The following PLEKHA5 variants were observed in gnomAD, a reference collection of about 807,000 sequenced individuals.
PLEKHA5 encodes pleckstrin homology domain-containing family A member 5.
Under a neutral mutation model 181.9 loss-of-function variants are expected in PLEKHA5, and 55 were observed. The observed-to-expected ratio is 0.30, with a 90% CI of 0.24 to 0.38. PLEKHA5 has a LOEUF of 0.38. PLEKHA5 is among the 10% of genes least tolerant of loss of function. The probability of loss-of-function intolerance (pLI) is 1.00; values close to 1 mark genes in which losing one functional copy is unlikely to be tolerated. For missense variants in PLEKHA5, 1,432 were observed against 1,549.5 expected (o/e 0.92, Z 1.27); for synonymous variants, 535 against 529.4 (o/e 1.01, Z -0.15).
At chr12:19,133,500 A>C (rs1368285046) in intron 3 of PLEKHA5, among the ~76,000 whole-genome samples, 1 of 152,054 alleles carries the variant, frequency 6.6e-6, no homozygotes, top group Non-Finnish European at 1.5e-5. Flanking sequence ...GTTTATAAAC[A>C]ATAACAGATA....
chr12:19,325,550 TG>T (rs1012431296), intron 20 of PLEKHA5, among the ~76,000 whole-genome samples: 5 of 151,432 alleles, frequency 3.3e-5, no homozygotes, highest in Admixed American at 2.6e-4. Flanking sequence ...TAGCCAGGTG[TG>T]GGGGCAGATG....
intron 3 of PLEKHA5, among the ~76,000 whole-genome samples, chr12:19,163,692 A>ATCTG (rs2043546050): frequency 6.6e-6 from 1 of 151,568 alleles, no homozygotes; most frequent in Non-Finnish European, 1.5e-5. Context: ...CTATCTATCT[A>ATCTG]TCTCTTTCCT....
At chr12:19,201,256 C>T (rs1236232350) in intron 3 of PLEKHA5, 1 of 152,020 alleles carries the variant, frequency 6.6e-6, no homozygotes, top group Non-Finnish European at 1.5e-5. Flanking sequence ...AGATGTTCAG[C>T]ATCATTAGAC....
intron 3 of PLEKHA5, among the ~76,000 whole-genome samples, chr12:19,156,161 G>A (rs1374606345): frequency 6.6e-6 from 1 of 151,340 alleles, no homozygotes; most frequent in African/African-American, 2.4e-5. Flanking sequence ...GAATTGTTGG[G>A]GGTGGTCAAA....
chr12:19,326,031 AAATAAAATAAATAAAATAG>A (rs2092020353), intron 20 of PLEKHA5, among the ~76,000 whole-genome samples: 1 of 151,816 alleles, frequency 6.6e-6, no homozygotes, highest in Admixed American at 6.6e-5. Context: ...AAATAAAATA[AAATAAAATAAATAAAATAG>A]AATAAAATAA....
intron 3 of PLEKHA5, among the ~76,000 whole-genome samples, chr12:19,213,432 G>T (rs971781704): frequency 6.6e-6 from 1 of 152,296 alleles, no homozygotes; most frequent in African/African-American, 2.4e-5. Context: ...AGTATTCAAT[G>T]TGAGGTGCTT....
chr12:19,340,946 A>T lies in PLEKHA5; in HGVS notation c.2551-2377A>T, dbSNP rs1243930035. Among the ~76,000 whole-genome samples the T allele has an allele frequency of 5.2e-3, 195 of 37,380 alleles. 1 individual carries two copies. Among genetic ancestry groups the T allele is most frequent in the African/African-American group, 0.014 (170 of 12,028 alleles). 24.5% of individuals were successfully genotyped at this position (37,380 alleles called of 152,430 possible). ...CGAGAAACACCCAAGAATGATCAAT[A>T]AAAAAAAAAAAAAAAAGAAAGAAAA... On this transcript the variant is annotated intron_variant, in intron 21 of 31. Coordinates refer to ENST00000429027, the MANE Select transcript of PLEKHA5 (RefSeq NM_001256470.2).
At chr12:19,168,091 G>T (rs2044963577) in intron 3 of PLEKHA5, among the ~76,000 whole-genome samples, 1 of 152,142 alleles carries the variant, frequency 6.6e-6, no homozygotes, top group African/African-American at 2.4e-5. Flanking sequence ...TGTCCCAGAA[G>T]GAGTTCTTGA....
intron 20 of PLEKHA5, among the ~76,000 whole-genome samples, chr12:19,327,799 C>G (rs891491280): frequency 3.9e-5 from 6 of 152,150 alleles, no homozygotes; most frequent in South Asian, 2.1e-4. Context: ...TGCCCGCTAC[C>G]AAGCCTGGCT....
chr12:19,307,202 G>A, intron 15 of PLEKHA5: 1 of 620,074 alleles, frequency 1.6e-6, no homozygotes, highest in Non-Finnish European at 2.9e-6. Flanking sequence ...GCCCCACATG[G>A]TGGCTCAGGC....
intron 3 of PLEKHA5, among the ~76,000 whole-genome samples, chr12:19,198,562 A>G (rs562363617): frequency 1.1e-4 from 17 of 152,312 alleles, no homozygotes; most frequent in African/African-American, 4.1e-4. Flanking sequence ...TATATGCTCC[A>G]TGAGAGCATA....
intron 30 of PLEKHA5, 134 bp downstream of exon 30, chr12:19,366,243 A>T: frequency 1.4e-6 from 1 of 694,090 alleles, no homozygotes; most frequent in Non-Finnish European, 2.4e-6. Context: ...TTGCCTCCCC[A>T]AGTGTACCTT....
chr12:19,137,979 C>G lies in PLEKHA5; in HGVS notation c.227+5529C>G, dbSNP rs1046578940. On this transcript the variant is annotated intron_variant, in intron 3 of 31. Coordinates refer to ENST00000429027, the MANE Select transcript of PLEKHA5 (RefSeq NM_001256470.2). Reference sequence around the variant, plus strand: ...GATTTGTCAAGGGACTTTTTCTTCCCTAATCTGGATAGACCCCTTCGTTTC... The same window carrying G: ...GATTTGTCAAGGGACTTTTTCTTCCGTAATCTGGATAGACCCCTTCGTTTC... 2.0e-5 allele frequency among the ~76,000 whole-genome samples: 3 copies of G among 152,150 alleles called. No homozygotes were observed. In the South Asian group the frequency reaches 6.2e-4, roughly 32 times the overall value.
Position 19,319,956 on chromosome 12 carries a change from T to C in PLEKHA5, c.2119-65T>C, listed in dbSNP as rs185502361. On this transcript the variant is annotated intron_variant, in intron 16 of 31. Transcript: ENST00000429027. ...AGTTTATAACATAGGCTTTCAGTTT[T>C]ATAAGATTTCGAATGATTTTCCTCT... 674 of 1,098,580 alleles carry C rather than the reference T, an allele frequency of 6.1e-4. 12 individuals are homozygous for C. The Admixed American group carries it at 0.017, about 28-fold the overall frequency. The allele number at this position is 1,098,580 out of a possible 1,614,324, so 68.1% of individuals were successfully genotyped here.
chr12:19,131,379 C>T (rs1204648764), intron 2 of PLEKHA5, among the ~76,000 whole-genome samples: 1 of 152,184 alleles, frequency 6.6e-6, no homozygotes, highest in African/African-American at 2.4e-5. Flanking sequence ...GCATGATGAG[C>T]TTACATTTTT....
intron 3 of PLEKHA5, among the ~76,000 whole-genome samples, chr12:19,251,236 C>T (rs780764762): frequency 2.0e-5 from 3 of 151,886 alleles, no homozygotes; most frequent in Non-Finnish European, 4.4e-5. Flanking sequence ...AAAACCCCAT[C>T]TCTACTAAAA....
intron 15 of PLEKHA5, chr12:19,306,354 G>C: frequency 2.2e-6 from 1 of 449,778 alleles, no homozygotes; most frequent in South Asian, 1.7e-5. Flanking sequence ...GTTTTCTCGT[G>C]CTCTCCAACT....
At chr12:19,182,261 G>C (rs570929162) in intron 3 of PLEKHA5, among the ~76,000 whole-genome samples, 1 of 152,188 alleles carries the variant, frequency 6.6e-6, no homozygotes, top group Non-Finnish European at 1.5e-5. Flanking sequence ...CTGTGAAGCA[G>C]ATTGTTTTTT....
At chr12:19,316,675 T>A (rs2088890842) in intron 16 of PLEKHA5, among the ~76,000 whole-genome samples, 2 of 152,174 alleles carry the variant, frequency 1.3e-5, no homozygotes, top group Admixed American at 6.6e-5. Flanking sequence ...GTCTTCAGAC[T>A]GTCTTATTTT....
Sources: allele counts gnomAD v4.1 joint callset (sites outside exome capture counted in the v4.1 genomes callset), GRCh38; gene constraint gnomAD v4.1.1; transcripts MANE v1.5; gene names NCBI Gene and HGNC (gene_info 2026-07-23, HGNC 2026-07-21).